The following HAO1 variants were observed in gnomAD, a reference collection of about 807,000 sequenced individuals.
HAO1 encodes the protein 2-Hydroxyacid oxidase 1.
Under a neutral mutation model 39.7 loss-of-function variants are expected in HAO1, and 34 were observed. The ratio of observed to expected loss-of-function variants is 0.86; its 90% CI spans 0.65 to 1.14. The LOEUF (loss-of-function observed/expected upper bound fraction) is 1.14. Among genes scored for constraint, HAO1 ranks in the 50% most tolerant of loss-of-function variants. HAO1 has a pLI of 0.00. For synonymous variants in HAO1, 172 were observed against 173.2 expected, an observed-to-expected ratio of 0.99 and a Z score of 0.05; for missense variants, 479 against 464.5, an observed-to-expected ratio of 1.03 and a Z score of -0.29.
chr20:7,913,175 T>TTG (rs1555774310), intron 3 of HAO1, among the ~76,000 whole-genome samples: 1 of 151,006 alleles, frequency 6.6e-6, no homozygotes, highest in African/African-American at 2.4e-5. Context: ...TTTTTGTTTT[T>TTG]TTTTTTTTTT....
intron 4 of HAO1, among the ~76,000 whole-genome samples, chr20:7,899,606 A>G (rs1046458277): frequency 2.6e-5 from 4 of 152,180 alleles, no homozygotes; most frequent in African/African-American, 9.6e-5. Context: ...GAGAAATGAC[A>G]TAATGATTTG....
rs745778862 is a variant in HAO1, at chr20:7,940,386, G to T, written c.37C>A (p.Gln13Lys). ...PRLICINDYE[Q>K]HAKSVLPKSI... ...TTTGGAAGTACTGATTTAGCATGTT[G>T]TTCATAATCATTGATACAAATTAGC... The change falls in exon 1 of 8, where the codon CAA (glutamine) becomes AAA (lysine). Residue 13 changes from glutamine to lysine, a missense_variant. Transcript: ENST00000378789. 33 of 1,610,444 alleles carry T rather than the reference G, an allele frequency of 2.0e-5. No individual in the cohort carries two copies. In the Middle Eastern group the frequency reaches 6.6e-4, roughly 32 times the overall value.
chr20:7,935,015 C>T (rs1195724653), intron 1 of HAO1, among the ~76,000 whole-genome samples: 3 of 152,178 alleles, frequency 2.0e-5, no homozygotes, highest in African/African-American at 7.2e-5. Flanking sequence ...AGAAACTCTC[C>T]CCAGTTCAAT....
At chr20:7,901,753 A>G (rs1371492921) in intron 4 of HAO1, among the ~76,000 whole-genome samples, 1 of 152,338 alleles carries the variant, frequency 6.6e-6, no homozygotes, top group East Asian at 1.9e-4. Flanking sequence ...GATTTCTCTG[A>G]TGAATAAGAG....
At chr20:7,931,390 C>G (rs550086883) in intron 2 of HAO1, among the ~76,000 whole-genome samples, 15 of 152,108 alleles carry the variant, frequency 9.9e-5, no homozygotes, top group Admixed American at 4.6e-4. Flanking sequence ...AATTAAAGCT[C>G]TTGCAAAGTG....
chr20:7,889,990 G>A (rs2050166673), intron 5 of HAO1, among the ~76,000 whole-genome samples: 1 of 152,080 alleles, frequency 6.6e-6, no homozygotes, highest in Admixed American at 6.6e-5. Flanking sequence ...TTCTGTGCAA[G>A]TACTGAGACC....
chr20:7,893,419 C>G (rs1462927229), intron 5 of HAO1, among the ~76,000 whole-genome samples: 1 of 152,184 alleles, frequency 6.6e-6, no homozygotes, highest in Non-Finnish European at 1.5e-5. Context: ...CTTTGCAGGA[C>G]TAACAAATTA....
chr20:7,937,442 C>T (rs1400059511), intron 1 of HAO1, among the ~76,000 whole-genome samples: 1 of 151,806 alleles, frequency 6.6e-6, no homozygotes, highest in African/African-American at 2.4e-5. Context: ...GACATTTATG[C>T]CTATGAGAAC....
intron 4 of HAO1, among the ~76,000 whole-genome samples, chr20:7,897,156 T>C (rs1376949977): frequency 1.3e-5 from 2 of 152,228 alleles, no homozygotes; most frequent in Non-Finnish European, 2.9e-5. Context: ...CATTGTCTTC[T>C]AGTACCCATT....
At chr20:7,893,209 C>T (rs906580351) in intron 5 of HAO1, among the ~76,000 whole-genome samples, 1 of 152,172 alleles carries the variant, frequency 6.6e-6, no homozygotes. Context: ...AAAATTATAA[C>T]TGAGAAAAAT....
At chr20:7,886,027 A>G (rs898134195) in intron 5 of HAO1, among the ~76,000 whole-genome samples, 163 bp from the exon 6 acceptor site, 5 of 152,222 alleles carry the variant, frequency 3.3e-5, no homozygotes, top group East Asian at 1.9e-4. Context: ...GAAGAGAGGT[A>G]CAAATGCTAG....
intron 5 of HAO1, among the ~76,000 whole-genome samples, 165 bp from the exon 6 acceptor site, chr20:7,886,029 A>G (rs1428798718): frequency 2.0e-5 from 3 of 152,206 alleles, no homozygotes; most frequent in African/African-American, 7.2e-5. Context: ...AGAGAGGTAC[A>G]AATGCTAGTA....
At chr20:7,932,598 G>A (rs1198520219) in intron 2 of HAO1, among the ~76,000 whole-genome samples, 1 of 152,090 alleles carries the variant, frequency 6.6e-6, no homozygotes, top group African/African-American at 2.4e-5. Flanking sequence ...ATGTATTTTA[G>A]GACCTGACTA....
intron 4 of HAO1, among the ~76,000 whole-genome samples, chr20:7,899,750 A>T (rs2122761188): frequency 6.6e-6 from 1 of 152,284 alleles, no homozygotes; most frequent in Non-Finnish European, 1.5e-5. Flanking sequence ...ACACAGAGAG[A>T]AAAGCAATTT....
rs141640096 is a variant in HAO1, at chr20:7,927,365, T to G, written c.289+7119A>C. Among the ~76,000 whole-genome samples the G allele has an allele frequency of 4.0e-3, 608 of 152,064 alleles. 5 individuals carry two copies. Among genetic ancestry groups the G allele is most frequent in the Middle Eastern group, 0.014 (4 of 294 alleles). On this transcript the variant is annotated intron_variant, in intron 2 of 7. Transcript: ENST00000378789. ...ATTTTGTATCCTTCTTTAAAGAATA[T>G]AAAGAAAAAAATTCAAAAAAATAAA...
At chr20:7,912,879 C>T (rs2050286775) in intron 3 of HAO1, among the ~76,000 whole-genome samples, 1 of 152,154 alleles carries the variant, frequency 6.6e-6, no homozygotes, top group Non-Finnish European at 1.5e-5. Flanking sequence ...AGGGAGGTAA[C>T]ATCACACAGC....
chr20:7,892,747 A>G (rs2050179943), intron 5 of HAO1, among the ~76,000 whole-genome samples: 2 of 152,122 alleles, frequency 1.3e-5, no homozygotes, highest in African/African-American at 4.8e-5. Flanking sequence ...CACATTACTT[A>G]GTAGATAGAT....
chr20:7,886,854 T>C (rs1000197808), intron 5 of HAO1, among the ~76,000 whole-genome samples: 3 of 152,168 alleles, frequency 2.0e-5, no homozygotes, highest in African/African-American at 7.2e-5. Flanking sequence ...AGCAACCTCA[T>C]GTATTCCCAC....
intron 4 of HAO1, among the ~76,000 whole-genome samples, chr20:7,904,473 T>A (rs770268637): frequency 3.9e-5 from 6 of 152,254 alleles, no homozygotes; most frequent in Non-Finnish European, 8.8e-5. Flanking sequence ...TATGCATAAT[T>A]GCTTTATTCT....
Sources: gnomAD v4.1 joint callset for allele counts (sites outside exome capture counted in the v4.1 genomes callset) on GRCh38, gnomAD v4.1.1 for gene constraint, MANE v1.5 for transcripts, NCBI Gene and HGNC (gene_info 2026-07-23, HGNC 2026-07-21) for gene names.